ARHGAP15: variants seen among roughly 807,000 people sequenced by gnomAD.
The protein encoded by ARHGAP15 is rho GTPase-activating protein 15.
A neutral mutation model predicts 63.7 loss-of-function variants in ARHGAP15; 51 were observed. The ratio of observed to expected loss-of-function variants is 0.80; its 90% CI spans 0.64 to 1.01. The LOEUF (loss-of-function observed/expected upper bound fraction) is 1.01, where lower values mean the gene tolerates loss of function less well. ARHGAP15 is among the 50% of genes least tolerant of loss of function. The pLI is 0.00. For synonymous variants in ARHGAP15, 191 were observed against 193.8 expected (o/e 0.99, Z 0.12); for missense variants, 560 against 564.6 (o/e 0.99, Z 0.08).
At chr2:143,481,415 A>G (rs966101594) in intron 8 of ARHGAP15, among the ~76,000 whole-genome samples, 12 of 151,800 alleles carry the variant, frequency 7.9e-5, no homozygotes, top group Non-Finnish European at 1.3e-4. Flanking sequence ...TCAAAAAAAA[A>G]ATAATAACAA....
chr2:143,341,527 C>A (rs1485925923), intron 6 of ARHGAP15, among the ~76,000 whole-genome samples: 4 of 152,080 alleles, frequency 2.6e-5, no homozygotes, highest in African/African-American at 9.7e-5. Context: ...TCAGATTCCC[C>A]ATGTCCTCTT....
intron 2 of ARHGAP15, among the ~76,000 whole-genome samples, chr2:143,178,623 T>G (rs942390588): frequency 6.6e-6 from 1 of 152,152 alleles, no homozygotes; most frequent in Non-Finnish European, 1.5e-5. Flanking sequence ...TTTAAATTTT[T>G]TATTACTATT....
rs1483097558 is a variant in ARHGAP15, at chr2:143,340,675, C to T, written c.474+90075C>T. ...GGGTGTCATTAAGAGCAGAGATTGC[C>T]GGAATGCTGATTCTCATAACAAAGG... On this transcript the variant is annotated intron_variant, in intron 6 of 13. Coordinates refer to ENST00000295095, the MANE Select transcript of ARHGAP15 (RefSeq NM_018460.4). 4.6e-5 allele frequency among the ~76,000 whole-genome samples: 7 copies of T among 152,052 alleles called. 1 individual carries two copies. Among genetic ancestry groups the T allele is most frequent in the Admixed American group, 2.6e-4 (4 of 15,222 alleles).
intron 10 of ARHGAP15, chr2:143,521,969 C>A (rs974929430): frequency 6.6e-6 from 1 of 152,036 alleles, no homozygotes; most frequent in Non-Finnish European, 1.5e-5. Flanking sequence ...TTTGTCTTAC[C>A]TGTTTGTAAT....
chr2:143,154,178 A>G lies in ARHGAP15; in HGVS notation c.-14-1299A>G, dbSNP rs1450026833. ...TTTTTCTTATAAAAATATGGGTTTA[A>G]TGGCTATTTTATAGGAGTTTTTTGA... On this transcript the variant is annotated intron_variant, in intron 1 of 13. Transcript: ENST00000295095. Among the ~76,000 whole-genome samples, 3 of 151,862 alleles carry G rather than the reference A, an allele frequency of 2.0e-5. No individual in the cohort carries two copies. In the East Asian group the frequency reaches 5.9e-4, roughly 30 times the overall value.
chr2:143,148,677 A>G (rs1394111558), intron 1 of ARHGAP15, among the ~76,000 whole-genome samples: 2 of 151,988 alleles, frequency 1.3e-5, no homozygotes, highest in African/African-American at 4.8e-5. Flanking sequence ...CACATTTCCT[A>G]TATATAACAC....
intron 6 of ARHGAP15, among the ~76,000 whole-genome samples, chr2:143,310,506 C>T (rs1220318543): frequency 6.6e-6 from 1 of 151,876 alleles, no homozygotes; most frequent in South Asian, 2.1e-4. Flanking sequence ...ATTTATTTTC[C>T]ATGGATCGCT....
rs10593584 is a variant in ARHGAP15 at position 143,393,726 on chromosome 2, T to TAAA, written c.475-41849_475-41847dup. On this transcript the variant is annotated intron_variant, in intron 6 of 13. Transcript: ENST00000295095. The stretch of plus-strand genomic sequence containing the variant: ...CTGGGTGACAGAGCGAGACTCTGTC[T>TAAA]AAAAAAAAAAAAAAAAAAAAAAAAA... Among the ~76,000 whole-genome samples the TAAA allele has an allele frequency of 1.5e-3, 94 of 61,458 alleles. 4 individuals are homozygous for TAAA. The South Asian group carries it at 0.02, about 13-fold the overall frequency. The allele number at this position is 61,458 out of a possible 152,430, so 40.3% of individuals were successfully genotyped here.
chr2:143,409,716 C>T (rs1020840549), intron 6 of ARHGAP15, among the ~76,000 whole-genome samples: 2 of 152,056 alleles, frequency 1.3e-5, no homozygotes, highest in Non-Finnish European at 2.9e-5. Flanking sequence ...TACACAAATA[C>T]TTACCATTAT....
intron 6 of ARHGAP15, among the ~76,000 whole-genome samples, chr2:143,282,908 G>A (rs367922059): frequency 3.3e-5 from 5 of 152,080 alleles, no homozygotes; most frequent in Admixed American, 6.6e-5. Flanking sequence ...TTGGCGTTAC[G>A]CTGTAGCCAG....
At chr2:143,678,669 T>A (rs1012104754) in intron 12 of ARHGAP15, among the ~76,000 whole-genome samples, 1 of 152,194 alleles carries the variant, frequency 6.6e-6, no homozygotes, top group Admixed American at 6.5e-5. Flanking sequence ...CTACTCCAAC[T>A]CTAAAAATGT....
At position 143,228,572 on chromosome 2, in the gene ARHGAP15, T is replaced by A; in HGVS notation, c.297-9T>A. On this transcript the variant is annotated splice_polypyrimidine_tract_variant and intron_variant, in intron 4 of 13. Coordinates refer to ENST00000295095, the MANE Select transcript of ARHGAP15 (RefSeq NM_018460.4). ...ATGCTTTCTTTCCCTTTTATTTTTT[T>A]GTCCTAAGGAAAAACTGGTCTACTT... is the stretch of plus-strand genomic sequence containing the variant. 6.3e-7 allele frequency: 1 copy of A among 1,583,656 alleles called. No homozygotes were observed. The highest frequency in any genetic ancestry group is 1.1e-5 in the South Asian group (1 of 87,876).
At chr2:143,593,579 T>C (rs972817139) in intron 11 of ARHGAP15, among the ~76,000 whole-genome samples, 1 of 152,212 alleles carries the variant, frequency 6.6e-6, no homozygotes, top group Non-Finnish European at 1.5e-5. Context: ...TCAGGTAATT[T>C]TTATCTTATC....
At chr2:143,343,045 G>A (rs763183744) in intron 6 of ARHGAP15, among the ~76,000 whole-genome samples, 25 of 152,054 alleles carry the variant, frequency 1.6e-4, no homozygotes, top group Non-Finnish European at 2.6e-4. Flanking sequence ...TCAGTGATAT[G>A]TTCTCAGTTC....
At chr2:143,300,330 A>G (rs1475981191) in intron 6 of ARHGAP15, among the ~76,000 whole-genome samples, 2 of 152,030 alleles carry the variant, frequency 1.3e-5, no homozygotes, top group Non-Finnish European at 2.9e-5. Context: ...AATTGCTAAT[A>G]CTATATATAA....
intron 3 of ARHGAP15, among the ~76,000 whole-genome samples, chr2:143,213,353 A>G (rs1052580792): frequency 1.3e-5 from 2 of 152,142 alleles, no homozygotes; most frequent in Non-Finnish European, 2.9e-5. Flanking sequence ...GTCTCTATTA[A>G]AAATACAAAA....
At chr2:143,697,689 G>T (rs1214436436) in intron 12 of ARHGAP15, among the ~76,000 whole-genome samples, 1 of 152,118 alleles carries the variant, frequency 6.6e-6, no homozygotes, top group African/African-American at 2.4e-5. Context: ...GTTACTCAAA[G>T]ATATTTATCA....
chr2:143,310,912 A>T (rs1264960953), intron 6 of ARHGAP15, among the ~76,000 whole-genome samples: 2 of 152,044 alleles, frequency 1.3e-5, no homozygotes, highest in Non-Finnish European at 2.9e-5. Context: ...TGGTAACACC[A>T]TACTTCTTAA....
At chr2:143,584,821 G>T (rs894623475) in intron 11 of ARHGAP15, among the ~76,000 whole-genome samples, 2 of 152,122 alleles carry the variant, frequency 1.3e-5, no homozygotes, top group Admixed American at 6.6e-5. Context: ...CTCAGTGCAA[G>T]ATTTTTGATC....
Sources: gnomAD v4.1 joint callset for allele counts (sites outside exome capture counted in the v4.1 genomes callset) on GRCh38, gnomAD v4.1.1 for gene constraint, MANE v1.5 for transcripts, NCBI Gene and HGNC (gene_info 2026-07-23, HGNC 2026-07-21) for gene names.